Variants in SHC4 observed in about 807,000 individuals in gnomAD.
The protein encoded by SHC4 is SHC adaptor protein 4, also known as SHC-transforming protein 4.
A neutral mutation model predicts 69.4 loss-of-function variants in SHC4; 41 were observed. That is an observed-to-expected ratio of 0.59 (90% CI 0.46 to 0.77). The LOEUF is 0.77. Among genes scored for constraint, SHC4 ranks in the 30% least tolerant of loss-of-function variants. SHC4 has a pLI of 0.00. For missense variants in SHC4, 777 were observed against 783.8 expected (o/e 0.99, Z 0.10); for synonymous variants, 318 against 299.3 (o/e 1.06, Z -0.64).
Position 48,963,421 on chromosome 15 carries a change from A to C in SHC4, c.-406T>G. ...TAGAAATATTTAGCACCCGACTCCC[A>C]CCCTCACCCCAGCCTTCTGTTCTGC... On this transcript the variant is annotated 5_prime_UTR_variant, in exon 1 of 12. Transcript: ENST00000332408. 2 of 196,288 alleles carry C rather than the reference A, an allele frequency of 1.0e-5. No homozygotes were observed. Among genetic ancestry groups the C allele is most frequent in the Non-Finnish European group, 2.1e-5 (2 of 95,868 alleles). The allele number at this position is 196,288 out of a possible 1,614,324, so 12.2% of individuals were successfully genotyped here.
chr15:48,890,954 A>T (rs1900125772), intron 2 of SHC4, 143 bp from the exon 3 acceptor site: 2 of 866,508 alleles, frequency 2.3e-6, no homozygotes, highest in Non-Finnish European at 3.7e-6. Context: ...TCCCAGCCCC[A>T]CAGGAGGAAA....
intron 10 of SHC4, among the ~76,000 whole-genome samples, chr15:48,839,209 G>A (rs1207490856): frequency 2.0e-5 from 3 of 152,108 alleles, no homozygotes; most frequent in Non-Finnish European, 4.4e-5. Flanking sequence ...GGAATATTGT[G>A]GAAAACTCCA....
chr15:48,942,043 C>T (rs776353543), intron 1 of SHC4, among the ~76,000 whole-genome samples: 22 of 151,946 alleles, frequency 1.4e-4, no homozygotes, highest in African/African-American at 4.6e-4. Flanking sequence ...CCTAATTTTA[C>T]GTAAATGGCA....
intron 2 of SHC4, among the ~76,000 whole-genome samples, chr15:48,911,502 G>C (rs1377874872): frequency 6.6e-6 from 1 of 152,140 alleles, no homozygotes; most frequent in South Asian, 2.1e-4. Context: ...TTTGGTTGGT[G>C]AGTTCTTATC....
intron 11 of SHC4, among the ~76,000 whole-genome samples, chr15:48,830,070 T>A (rs1898768545): frequency 6.6e-6 from 1 of 152,220 alleles, no homozygotes; most frequent in South Asian, 2.1e-4. Flanking sequence ...AGAAGAACTA[T>A]TACCATTCTA....
chr15:48,896,140 T>C (rs565411373), intron 2 of SHC4, among the ~76,000 whole-genome samples: 2 of 152,294 alleles, frequency 1.3e-5, no homozygotes, highest in Non-Finnish European at 2.9e-5. Context: ...AGATGAGCCA[T>C]GCCTCTCTCC....
At chr15:48,859,404 T>C (rs1404368954) in intron 6 of SHC4, among the ~76,000 whole-genome samples, 1 of 152,052 alleles carries the variant, frequency 6.6e-6, no homozygotes, top group Non-Finnish European at 1.5e-5. Context: ...TTCATTCTTA[T>C]AAAGTTGCCC....
At chr15:48,937,051 G>C (rs1405344705) in intron 1 of SHC4, among the ~76,000 whole-genome samples, 1 of 152,278 alleles carries the variant, frequency 6.6e-6, no homozygotes, top group East Asian at 1.9e-4. Flanking sequence ...CCAATGTGTT[G>C]GGAGCCACAA....
chr15:48,872,603 G>T (rs1899704778), intron 4 of SHC4, among the ~76,000 whole-genome samples: 1 of 152,184 alleles, frequency 6.6e-6, no homozygotes, highest in African/African-American at 2.4e-5. Context: ...TAGGAAAAAA[G>T]TCTGGTGGTA....
intron 2 of SHC4, among the ~76,000 whole-genome samples, chr15:48,921,649 T>C (rs540415606): frequency 6.4e-4 from 98 of 152,330 alleles, no homozygotes; most frequent in African/African-American, 2.2e-3. Flanking sequence ...TACTGTTTAA[T>C]GAGTACAGAG....
Position 48,962,770 on chromosome 15 carries a change from TG to T in SHC4, c.245del (p.Pro82HisfsTer5). The T allele has an allele frequency of 6.2e-7, 1 of 1,609,264 alleles. No homozygotes were observed. ...CCATGCGGGGGATCAAGGTGCACAG[TG>T]GGGTGGGGCTCTCCTGCGACGGCAA... ...ATLPSQESPT[P>X]LCTLIPRMAS... On this transcript the variant is annotated frameshift_variant, in exon 1 of 12. Transcript: ENST00000332408. LOFTEE classifies it high-confidence loss of function.
chr15:48,873,603 G>C lies in SHC4; in HGVS notation c.841-1461C>G, dbSNP rs368513297. ...ACTAAAAATACAAAAAATTAGCTGG[G>C]CGTGGTGGGCACCTGTAGTCCCCGC... On this transcript the variant is annotated intron_variant, in intron 4 of 11. Coordinates refer to ENST00000332408, the MANE Select transcript of SHC4 (RefSeq NM_203349.4). 1.4e-4 allele frequency among the ~76,000 whole-genome samples: 21 copies of C among 152,226 alleles called. 1 individual carries two copies. The East Asian group carries it at 3.7e-3, about 27-fold the overall frequency.
At chr15:48,955,227 A>G (rs900585061) in intron 1 of SHC4, among the ~76,000 whole-genome samples, 1 of 152,174 alleles carries the variant, frequency 6.6e-6, no homozygotes, top group African/African-American at 2.4e-5. Flanking sequence ...AATGAAAGAC[A>G]AAGGGACTAG....
chr15:48,846,849 A>G (rs1396106840), intron 9 of SHC4, among the ~76,000 whole-genome samples: 1 of 152,206 alleles, frequency 6.6e-6, no homozygotes. Context: ...ACAGGGTGCT[A>G]ACGCATCTGC....
At chr15:48,836,282 C>G (rs1187327686) in intron 10 of SHC4, among the ~76,000 whole-genome samples, 2 of 152,124 alleles carry the variant, frequency 1.3e-5, no homozygotes, top group African/African-American at 2.4e-5. Context: ...GACTCCAAAG[C>G]CTAGATTCTT....
At chr15:48,898,793 A>G (rs1000252780) in intron 2 of SHC4, among the ~76,000 whole-genome samples, 2 of 152,178 alleles carry the variant, frequency 1.3e-5, no homozygotes, top group African/African-American at 2.4e-5. Context: ...TCAAACACCT[A>G]CACCCACAAA....
At chr15:48,878,522 C>G in intron 4 of SHC4, 1 of 1,614,040 alleles carries the variant, frequency 6.2e-7, no homozygotes, top group Non-Finnish European at 8.5e-7. Flanking sequence ...CGAAGAGGAG[C>G]AGCTCAGTGG....
chr15:48,926,626 C>T (rs1335936972), intron 1 of SHC4, among the ~76,000 whole-genome samples: 1 of 152,042 alleles, frequency 6.6e-6, no homozygotes, highest in Non-Finnish European at 1.5e-5. Context: ...CTGCACCTGG[C>T]TAATTTTTGT....
intron 1 of SHC4, among the ~76,000 whole-genome samples, chr15:48,959,965 G>C (rs1490410488): frequency 6.6e-6 from 1 of 152,198 alleles, no homozygotes; most frequent in Non-Finnish European, 1.5e-5. Flanking sequence ...AATTGACCTT[G>C]ATAACTTCTG....
Sources: allele counts gnomAD v4.1 joint callset (sites outside exome capture counted in the v4.1 genomes callset), GRCh38; gene constraint gnomAD v4.1.1; transcripts MANE v1.5; gene names NCBI Gene and HGNC (gene_info 2026-07-23, HGNC 2026-07-21).